The following HEPACAM variants were observed in gnomAD, a reference collection of about 807,000 sequenced individuals.
HEPACAM encodes the protein hepatocyte cell adhesion molecule.
Under a neutral mutation model 38.3 loss-of-function variants are expected in HEPACAM, and 18 were observed. That is an observed-to-expected ratio of 0.47 (90% CI 0.33 to 0.70). The LOEUF (loss-of-function observed/expected upper bound fraction) is 0.70. Ranked by LOEUF, HEPACAM falls within the 30% of genes least tolerant of loss-of-function variation. HEPACAM has a pLI of 0.03. For missense variants in HEPACAM, 466 were observed against 563.0 expected (o/e 0.83, Z 1.74); for synonymous variants, 216 against 243.1 (o/e 0.89, Z 1.04).
In HEPACAM at chr11:124,920,654, A is replaced by G. The variant is rs916692849; in HGVS notation, c.*484T>C. 3.1e-5 allele frequency: 15 copies of G among 485,380 alleles called. No homozygotes were observed. In the African/African-American group the frequency reaches 3.6e-4, roughly 12 times the overall value. 30.1% of individuals were successfully genotyped at this position (485,380 alleles called of 1,614,324 possible). A position where few individuals can be genotyped will look rare whatever the true frequency, so the allele number is the denominator to read the frequency against. On this transcript the variant is annotated 3_prime_UTR_variant, in exon 7 of 7. Transcript: ENST00000298251. ...TTAGTGCAGCTGTGGATTCTGGGAA[A>G]GTGGCCTCTCTAATCTGAACTTGCA... is the stretch of plus-strand genomic sequence containing the variant.
intron 1 of HEPACAM, among the ~76,000 whole-genome samples, chr11:124,925,477 G>A (rs1947196475): frequency 6.6e-6 from 1 of 152,146 alleles, no homozygotes; most frequent in Non-Finnish European, 1.5e-5. Flanking sequence ...CCCCTATGAA[G>A]CTTATAGGTC....
Position 124,922,446 on chromosome 11 carries a change from G to A in HEPACAM, c.890C>T (p.Pro297Leu). 1 of 1,614,138 alleles carries A rather than the reference G, an allele frequency of 6.2e-7. No individual in the cohort carries two copies. The highest frequency in any genetic ancestry group is 8.5e-7 in the Non-Finnish European group (1 of 1,180,008). ...DRLKPEADTL[P>L]RSGEQERKNP... ...CTTCCGTTCCTGCTCACCACTTCGA[G>A]GGAGGGTGTCTGCTGCACAGGGGAG... The change falls in exon 6 of 7, where the codon CCT becomes CTT. Residue 297 changes from proline to leucine, a missense_variant. Coordinates refer to ENST00000298251, the MANE Select transcript of HEPACAM (RefSeq NM_152722.5).
In HEPACAM at chr11:124,923,910, G is replaced by A. The variant is rs759381775; in HGVS notation, c.528C>T (p.Pro176=). The change falls in exon 3 of 7, where the codon CCC becomes CCT. Residue 176 remains proline (P), a synonymous_variant. Coordinates refer to ENST00000298251, the MANE Select transcript of HEPACAM (RefSeq NM_152722.5). ...TGCCATCCTTCAGCCAGGTGTAGCT[G>A]GGCTTGGTGCCATTCTCATGTGAGC... is the stretch of plus-strand genomic sequence containing the variant. The part of the protein sequence containing the change: ...LNCSHENGTK[P]SYTWLKDGKP... The A allele has an allele frequency of 6.2e-7, 1 of 1,613,516 alleles. No homozygotes were observed. The highest frequency in any genetic ancestry group is 1.7e-5 in the Admixed American group (1 of 60,028).
In HEPACAM at chr11:124,921,735, A is replaced by G. The variant is rs1444416964; in HGVS notation, c.949-295T>C. 6.6e-6 allele frequency among the ~76,000 whole-genome samples: 1 copy of G among 152,140 alleles called. No individual in the cohort carries two copies. Among genetic ancestry groups the G allele is most frequent in the Admixed American group, 6.5e-5 (1 of 15,280 alleles). ...ACAGCCTGGGACAGTTAGTTGTGGA[A>G]TACTGGGGAAATCACCAGAACTGGT... On this transcript the variant is annotated intron_variant, in intron 6 of 6. Transcript: ENST00000298251. The surrounding 1 kb of genome is among the most constrained non-coding windows in gnomAD (Gnocchi z 4.6).
rs1379480974 is a variant in HEPACAM at position 124,920,951 on chromosome 11, A to G, written c.*187T>C. 44 of 1,364,666 alleles carry G rather than the reference A, an allele frequency of 3.2e-5. No individual in the cohort carries two copies. The highest frequency in any genetic ancestry group is 4.0e-5 in the Non-Finnish European group (43 of 1,062,746). 84.5% of individuals were successfully genotyped at this position (1,364,666 alleles called of 1,614,324 possible). A position where few individuals can be genotyped will look rare whatever the true frequency, so the allele number is the denominator to read the frequency against. ...AAATGCGACCCGGTTTCACCATATC[A>G]ACACTGCCGCCTCCGCGCACCCGCC... On this transcript the variant is annotated 3_prime_UTR_variant, in exon 7 of 7. Coordinates refer to ENST00000298251, the MANE Select transcript of HEPACAM (RefSeq NM_152722.5).
At position 124,924,056 on chromosome 11, in the gene HEPACAM, TG is replaced by T; in HGVS notation, c.428-47del. 6.4e-7 allele frequency: 1 copy of T among 1,562,570 alleles called. No individual in the cohort carries two copies. Among genetic ancestry groups the T allele is most frequent in the Non-Finnish European group, 8.6e-7 (1 of 1,157,524 alleles). On this transcript the variant is annotated intron_variant, in intron 2 of 6. Coordinates refer to ENST00000298251, the MANE Select transcript of HEPACAM (RefSeq NM_152722.5). The surrounding 1 kb of genome is among the most constrained non-coding windows in gnomAD (Gnocchi z 4.4). The stretch of plus-strand genomic sequence containing the variant: ...AGCCTGTAAGTCATTGGCTAAGAAG[TG>T]TCTCCCTTCCCCTTTTTAGCTCCCT...
At chr11:124,926,770 T>C (rs1162241190) in intron 1 of HEPACAM, among the ~76,000 whole-genome samples, 1 of 152,216 alleles carries the variant, frequency 6.6e-6, no homozygotes, top group Non-Finnish European at 1.5e-5. Context: ...GAAACTGAGC[T>C]GTACCTTTTC....
intron 1 of HEPACAM, 105 bp downstream of exon 1, chr11:124,935,817 C>T (rs1947338074): frequency 1.1e-6 from 1 of 899,266 alleles, no homozygotes; most frequent in Non-Finnish European, 1.8e-6. Flanking sequence ...TGAACTCTCC[C>T]CCACTCCTGC....
chr11:124,923,511 A>C, intron 3 of HEPACAM, 78 bp from the exon 4 acceptor site: 1 of 1,199,844 alleles, frequency 8.3e-7, no homozygotes, highest in Non-Finnish European at 1.2e-6. Context: ...CCTGCCATGG[A>C]TGGAAGAGAG....
At chr11:124,929,117 C>T (rs1947252942) in intron 1 of HEPACAM, among the ~76,000 whole-genome samples, 1 of 152,152 alleles carries the variant, frequency 6.6e-6, no homozygotes, top group African/African-American at 2.4e-5. Flanking sequence ...CTGGAGCTTC[C>T]CTGGCTTCCA....
At chr11:124,926,669 C>A (rs61910645) in intron 1 of HEPACAM, among the ~76,000 whole-genome samples, 17 of 151,992 alleles carry the variant, frequency 1.1e-4, no homozygotes, top group African/African-American at 4.1e-4. Context: ...CTCTGCACCC[C>A]TTGCCGCTTC....
rs758487880 is a variant in HEPACAM at position 124,920,366 on chromosome 11, T to C, written c.*772A>G. 6.5e-7 allele frequency: 1 copy of C among 1,540,438 alleles called. No homozygotes were observed. The highest frequency in any genetic ancestry group is 2.0e-5 in the Admixed American group (1 of 49,948). On this transcript the variant is annotated 3_prime_UTR_variant, in exon 7 of 7. Coordinates refer to ENST00000298251, the MANE Select transcript of HEPACAM (RefSeq NM_152722.5). ...TAAGAATAAGCCCATCCATCTCTTT[T>C]ATTCATGAACAGAGACAGAAAGAGT...
Position 124,920,746 on chromosome 11 carries a change from G to A in HEPACAM, c.*392C>T, listed in dbSNP as rs886047927. 4.7e-6 allele frequency: 5 copies of A among 1,066,704 alleles called. No individual in the cohort carries two copies. In the Admixed American group the frequency reaches 2.1e-4, roughly 44 times the overall value. The allele number at this position is 1,066,704 out of a possible 1,614,324, so 66.1% of individuals were successfully genotyped here. A position where few individuals can be genotyped will look rare whatever the true frequency, so the allele number is the denominator to read the frequency against. ...CTCAGGCATTTGTTCAGAGGGAAGGGTGGTGGGTGGGAAACAACACAGCTC... is the reference window on the plus strand; with the variant it reads ...CTCAGGCATTTGTTCAGAGGGAAGGATGGTGGGTGGGAAACAACACAGCTC... On this transcript the variant is annotated 3_prime_UTR_variant, in exon 7 of 7. Transcript: ENST00000298251.
At chr11:124,926,174 C>T (rs954563921) in intron 1 of HEPACAM, among the ~76,000 whole-genome samples, 2 of 152,134 alleles carry the variant, frequency 1.3e-5, no homozygotes, top group African/African-American at 4.8e-5. Context: ...TGCATTTGAA[C>T]CTGGGTGACA....
At chr11:124,922,693 C>T (rs1947156716) in intron 5 of HEPACAM, 52 bp downstream of exon 5, 3 of 1,614,210 alleles carry the variant, frequency 1.9e-6, no homozygotes, top group South Asian at 1.1e-5. Context: ...TTCCCAGCAG[C>T]CCACTGATCT....
At chr11:124,926,407 G>A (rs576130384) in intron 1 of HEPACAM, among the ~76,000 whole-genome samples, 1 of 152,236 alleles carries the variant, frequency 6.6e-6, no homozygotes, top group Admixed American at 6.5e-5. Context: ...GGAGTAGTAG[G>A]CTAGATGGTC....
Position 124,919,742 on chromosome 11 carries a change from GT to G in HEPACAM, c.*1395del, listed in dbSNP as rs1472011824. 2 of 1,613,028 alleles carry G rather than the reference GT, an allele frequency of 1.2e-6. No homozygotes were observed. Among genetic ancestry groups the G allele is most frequent in the Non-Finnish European group, 1.7e-6 (2 of 1,179,646 alleles). On this transcript the variant is annotated 3_prime_UTR_variant, in exon 7 of 7. Transcript: ENST00000298251. ...GGGCTGAGACAAAACTTGACCTGGT[GT>G]GGAGGTGATGGGTAACTGGGGCCTT... is the stretch of plus-strand genomic sequence containing the variant.
At position 124,923,642 on chromosome 11, in the gene HEPACAM, A is replaced by T. The variant is rs1947168100; in HGVS notation, c.709+87T>A. 3 of 1,524,560 alleles carry T rather than the reference A, an allele frequency of 2.0e-6. No homozygotes were observed. In the East Asian group the frequency reaches 6.8e-5, roughly 34 times the overall value. 94.4% of individuals were successfully genotyped at this position (1,524,560 alleles called of 1,614,324 possible). A position where few individuals can be genotyped will look rare whatever the true frequency, so the allele number is the denominator to read the frequency against. On this transcript the variant is annotated intron_variant, in intron 3 of 6. Transcript: ENST00000298251. ...CATCTCTGTTCCCCTCCCCCCAGTG[A>T]CATTTCTTTGGGATGTCCTCAGTCC...
rs1225468441 is a variant in HEPACAM, at chr11:124,922,729, G to A, written c.877+16C>T. 3 of 1,614,218 alleles carry A rather than the reference G, an allele frequency of 1.9e-6. No individual in the cohort carries two copies. The highest frequency in any genetic ancestry group is 1.3e-5 in the African/African-American group (1 of 75,040). On this transcript the variant is annotated intron_variant, in intron 5 of 6. Coordinates refer to ENST00000298251, the MANE Select transcript of HEPACAM (RefSeq NM_152722.5). ...GATTGTTGATGGGATGGGTGATTGG[G>A]TGGCTGGGAGCTCACCTTCTGGTTT...
Sources: allele counts gnomAD v4.1 joint callset (sites outside exome capture counted in the v4.1 genomes callset), GRCh38; gene constraint gnomAD v4.1.1; non-coding constraint Gnocchi (gnomAD v3.1); transcripts MANE v1.5; gene names NCBI Gene and HGNC (gene_info 2026-07-23, HGNC 2026-07-21).